MGST1: variants seen among roughly 807,000 people sequenced by gnomAD.
MGST1 encodes microsomal glutathione S-transferase 1.
Under a neutral mutation model 8.9 loss-of-function variants are expected in MGST1, and 5 were observed. The observed-to-expected ratio is 0.56, with a 90% CI of 0.29 to 1.19. The LOEUF (loss-of-function observed/expected upper bound fraction) is 1.19. Among genes scored for constraint, MGST1 ranks in the 50% most tolerant of loss-of-function variants. The pLI is 0.08. For synonymous variants in MGST1, 54 were observed against 67.8 expected, an observed-to-expected ratio of 0.80 and a Z score of 1.00; for missense variants, 182 against 187.4, an observed-to-expected ratio of 0.97 and a Z score of 0.17.
intron 4 of MGST1, among the ~76,000 whole-genome samples, chr12:16,449,657 AT>A (rs1328157777): frequency 6.6e-5 from 10 of 151,966 alleles, no homozygotes; most frequent in African/African-American, 2.4e-4. Flanking sequence ...CTATATTGTG[AT>A]GCCAATAGGG....
downstream of MGST1, among the ~76,000 whole-genome samples, chr12:16,591,864 A>G (rs1212918041): frequency 6.6e-6 from 1 of 151,036 alleles, no homozygotes; most frequent in Admixed American, 6.6e-5. This position sits in a 1 kb window ranked among gnomAD's most constrained non-coding sequence, Gnocchi z 4.1. Flanking sequence ...ATACTTTATA[A>G]CCTCCCTGCT....
chr12:16,465,272 G>A (rs1053212389), intron 4 of MGST1, among the ~76,000 whole-genome samples: 3 of 152,188 alleles, frequency 2.0e-5, no homozygotes, highest in African/African-American at 7.2e-5. Context: ...AGCTGTTTCT[G>A]TCTACATTTA....
chr12:16,432,583 A>T (rs1940947637), intron 1 of MGST1, among the ~76,000 whole-genome samples: 2 of 151,770 alleles, frequency 1.3e-5, no homozygotes, highest in South Asian at 4.2e-4. Context: ...CAAAAGTAAC[A>T]CTTAAAAATG....
rs200073692 is a variant in MGST1 at position 16,408,030 on chromosome 12, C to CAAAAAAAAAAAAAA, written n.778+24441_778+24454dup. Among the ~76,000 whole-genome samples, 39 of 44,092 alleles carry CAAAAAAAAAAAAAA rather than the reference C, an allele frequency of 8.8e-4. 2 individuals carry two copies. Among genetic ancestry groups the CAAAAAAAAAAAAAA allele is most frequent in the East Asian group, 1.4e-3 (3 of 2,084 alleles). 28.9% of individuals were successfully genotyped at this position (44,092 alleles called of 152,430 possible). On this transcript the variant is annotated intron_variant and non_coding_transcript_variant, in intron 1 of 1. Transcript: ENST00000359720. ...CTGGCAACAGAGCAAGACTCTGTCTCAAAAAAAAAAAAAAAAAAAAAAAAA... is the reference window on the plus strand; with the variant it reads ...CTGGCAACAGAGCAAGACTCTGTCTCAAAAAAAAAAAAAAAAAAAAAAAAAAAAAAAAAAAAAAA...
At chr12:16,522,244 G>GT (rs1358090078) in intron 4 of MGST1, among the ~76,000 whole-genome samples, 4 of 152,168 alleles carry the variant, frequency 2.6e-5, no homozygotes, top group Non-Finnish European at 5.9e-5. Context: ...GATGGAAGAT[G>GT]TTTTTTCCTC....
intron 4 of MGST1, among the ~76,000 whole-genome samples, chr12:16,540,230 C>T (rs530967080): frequency 6.6e-6 from 1 of 152,280 alleles, no homozygotes; most frequent in African/African-American, 2.4e-5. Flanking sequence ...TCCTTCTCCA[C>T]CCTTTTCTTT....
chr12:16,378,732 T>C (rs769170572), downstream of MGST1, among the ~76,000 whole-genome samples: 5,424 of 149,894 alleles, frequency 0.036, 92 homozygotes, highest in Non-Finnish European at 0.056. Context: ...ATAAATTACC[T>C]TGGGCAGTAT....
At chr12:16,433,716 C>A (rs1940959135) in intron 1 of MGST1, among the ~76,000 whole-genome samples, 1 of 152,072 alleles carries the variant, frequency 6.6e-6, no homozygotes, top group South Asian at 2.1e-4. Flanking sequence ...TCTGGGCATC[C>A]TATGGCTCCT....
At chr12:16,425,924 A>T (rs1345828608) in intron 1 of MGST1, among the ~76,000 whole-genome samples, 1 of 152,184 alleles carries the variant, frequency 6.6e-6, no homozygotes, top group Non-Finnish European at 1.5e-5. Flanking sequence ...TTATTATTGA[A>T]ATATCACTTT....
intron 1 of MGST1, among the ~76,000 whole-genome samples, chr12:16,420,637 A>G (rs1360738157): frequency 6.6e-6 from 1 of 152,162 alleles, no homozygotes; most frequent in African/African-American, 2.4e-5. Flanking sequence ...GAGCTCTGGA[A>G]CTGGGATGAT....
At chr12:16,417,815 C>G (rs1001484767) in intron 1 of MGST1, among the ~76,000 whole-genome samples, 1 of 151,996 alleles carries the variant, frequency 6.6e-6, no homozygotes, top group African/African-American at 2.4e-5. Context: ...AATTCTAAAC[C>G]CAAGGAACAT....
intron 4 of MGST1, among the ~76,000 whole-genome samples, chr12:16,470,720 G>A (rs1941285253): frequency 1.3e-5 from 2 of 152,004 alleles, no homozygotes; most frequent in Admixed American, 1.3e-4. Context: ...TTTAGCAATT[G>A]CTTCCAGAAA....
At chr12:16,464,617 T>A (rs1013308474) in intron 4 of MGST1, among the ~76,000 whole-genome samples, 1 of 152,242 alleles carries the variant, frequency 6.6e-6, no homozygotes, top group Non-Finnish European at 1.5e-5. Flanking sequence ...TGGATTCCTA[T>A]GCAAAGGTAC....
intron 1 of MGST1, among the ~76,000 whole-genome samples, chr12:16,428,428 G>C (rs1184995444): frequency 6.6e-6 from 1 of 150,892 alleles, no homozygotes; most frequent in Non-Finnish European, 1.5e-5. Flanking sequence ...TTCCCCTTCA[G>C]TTATATTCGT....
Position 16,357,600 on chromosome 12 carries a change from G to GAT in MGST1, c.127-3_127-2dup. On this transcript the variant is annotated splice_region_variant and splice_polypyrimidine_tract_variant and intron_variant, in intron 2 of 3. Coordinates refer to ENST00000396210, the MANE Select transcript of MGST1 (RefSeq NM_020300.5). ...AATAAGTTTTTTTTCTTGGTATTTGGATAGGTTTTTGCCAATCCAGAAGAC... is the reference window on the plus strand; with the variant it reads ...AATAAGTTTTTTTTCTTGGTATTTGGATATAGGTTTTTGCCAATCCAGAAGAC... 1.9e-6 allele frequency: 3 copies of GAT among 1,609,382 alleles called. No homozygotes were observed. The South Asian group carries it at 3.3e-5, about 18-fold the overall frequency.
At chr12:16,414,272 C>T (rs1395857486) in intron 1 of MGST1, among the ~76,000 whole-genome samples, 14 of 150,208 alleles carry the variant, frequency 9.3e-5, no homozygotes, top group Non-Finnish European at 1.5e-5. Context: ...GTTGAAGACT[C>T]ACAATTAATT....
chr12:16,401,597 C>T lies in MGST1; in HGVS notation n.778+17993C>T. On this transcript the variant is annotated intron_variant and non_coding_transcript_variant, in intron 1 of 1. Transcript: ENST00000359720. This position sits in a 1 kb window ranked among gnomAD's most constrained non-coding sequence, Gnocchi z 4.3. Reference sequence around the variant, plus strand: ...AGCAATAAGACTCGAAGCGAATACCCATGGCACAAGTGATAGCCCCAAAAT... The same window carrying T: ...AGCAATAAGACTCGAAGCGAATACCTATGGCACAAGTGATAGCCCCAAAAT... 1 of 1,457,050 alleles carries T rather than the reference C, an allele frequency of 6.9e-7. No individual in the cohort carries two copies. The highest frequency in any genetic ancestry group is 1.4e-5 in the African/African-American group (1 of 71,902). 90.3% of individuals were successfully genotyped at this position (1,457,050 alleles called of 1,614,324 possible). A position where few individuals can be genotyped will look rare whatever the true frequency, so the allele number is the denominator to read the frequency against.
chr12:16,547,859 C>T lies in MGST1; in HGVS notation n.483-41669C>T, dbSNP rs778106084. Among the ~76,000 whole-genome samples, 8 of 152,074 alleles carry T rather than the reference C, an allele frequency of 5.3e-5. No individual in the cohort carries two copies. Among genetic ancestry groups the T allele is most frequent in the African/African-American group, 7.2e-5 (3 of 41,414 alleles). ...ACATGTTTGGCCTACATAATTTCTA[C>T]GAAACTGTTTAAGTGATGATTCAGA... On this transcript the variant is annotated intron_variant and non_coding_transcript_variant, in intron 4 of 4. Coordinates refer to the MGST1 transcript ENST00000538857. This position sits in a 1 kb window ranked among gnomAD's most constrained non-coding sequence, Gnocchi z 4.6.
At chr12:16,421,241 A>C (rs916495563) in intron 1 of MGST1, among the ~76,000 whole-genome samples, 1 of 152,050 alleles carries the variant, frequency 6.6e-6, no homozygotes, top group African/African-American at 2.4e-5. Context: ...GAGTAGCCAT[A>C]TCTCCCCCTA....
Sources: allele counts gnomAD v4.1 joint callset (sites outside exome capture counted in the v4.1 genomes callset), GRCh38; gene constraint gnomAD v4.1.1; non-coding constraint Gnocchi (gnomAD v3.1); transcripts MANE v1.5; gene names NCBI Gene and HGNC (gene_info 2026-07-23, HGNC 2026-07-21).